GUCY1B1: variants seen among roughly 807,000 people sequenced by gnomAD.
The protein encoded by GUCY1B1 is guanylate cyclase 1 soluble subunit beta 1.
In GUCY1B1, 43 loss-of-function variants were observed where a neutral mutation model predicts 71.0. That is an observed-to-expected ratio of 0.61 (90% CI 0.47 to 0.78). The LOEUF (loss-of-function observed/expected upper bound fraction) is 0.78. Ranked by LOEUF, GUCY1B1 falls within the 30% of genes least tolerant of loss-of-function variation. GUCY1B1 has a pLI of 0.00. For missense variants in GUCY1B1, 535 were observed against 754.1 expected (o/e 0.71, Z 3.40); for synonymous variants, 266 against 259.7 (o/e 1.02, Z -0.23).
At chr4:155,772,483 C>A (rs769963599) in intron 2 of GUCY1B1, 1 of 446,104 alleles carries the variant, frequency 2.2e-6, no homozygotes, top group Non-Finnish European at 4.1e-6. Context: ...GGCAAGATCA[C>A]GCCTCACTGA....
chr4:155,774,189 G>T (rs1440531649), intron 2 of GUCY1B1, among the ~76,000 whole-genome samples: 2 of 152,236 alleles, frequency 1.3e-5, no homozygotes, highest in Non-Finnish European at 2.9e-5. Flanking sequence ...GTCCAACCAG[G>T]CCAAGCACTG....
At chr4:155,777,893 G>A (rs4691087) in intron 4 of GUCY1B1, among the ~76,000 whole-genome samples, 85,107 of 151,920 alleles carry the variant, frequency 0.56, 24,518 homozygotes, top group Middle Eastern at 0.75. Flanking sequence ...GTTCCCTGAA[G>A]AACTCCAGGT....
intron 7 of GUCY1B1, among the ~76,000 whole-genome samples, chr4:155,795,885 A>G (rs1739520406): frequency 6.6e-6 from 1 of 152,124 alleles, no homozygotes; most frequent in African/African-American, 2.4e-5. Context: ...AAATATTCAC[A>G]CAGTTGATAA....
At chr4:155,776,242 T>C (rs1738033324) in intron 3 of GUCY1B1, among the ~76,000 whole-genome samples, 1 of 152,180 alleles carries the variant, frequency 6.6e-6, no homozygotes, top group Non-Finnish European at 1.5e-5. Flanking sequence ...CCTTCAGTAA[T>C]TTTTCCTAAA....
At position 155,803,665 on chromosome 4, in the gene GUCY1B1, A is replaced by G. The variant is rs747650611; in HGVS notation, c.1455A>G (p.Leu485=). ...ACAAGTATATGACAGTGAGTGGTTTACCAGAGCCATGCATTCACCATGCAC... is the reference window on the plus strand; with the variant it reads ...ACAAGTATATGACAGTGAGTGGTTTGCCAGAGCCATGCATTCACCATGCAC... ...VGDKYMTVSG[L]PEPCIHHARS... The change falls in exon 11 of 14, where the codon TTA becomes TTG. Residue 485 remains leucine, a synonymous_variant. Coordinates refer to ENST00000264424, the MANE Select transcript of GUCY1B1 (RefSeq NM_000857.5). The G allele has an allele frequency of 3.1e-6, 5 of 1,606,264 alleles. No homozygotes were observed. The Admixed American group carries it at 8.5e-5, about 27-fold the overall frequency.
chr4:155,773,932 C>T (rs905974485), intron 2 of GUCY1B1, among the ~76,000 whole-genome samples: 10 of 152,140 alleles, frequency 6.6e-5, no homozygotes, highest in African/African-American at 2.4e-5. Context: ...CGTGATCTGT[C>T]AGTCCCCGCC....
chr4:155,790,955 A>T, intron 5 of GUCY1B1, among the ~76,000 whole-genome samples: 1 of 152,148 alleles, frequency 6.6e-6, no homozygotes, highest in Non-Finnish European at 1.5e-5. Context: ...GGAAACCACG[A>T]TTACTGTTGC....
intron 4 of GUCY1B1, among the ~76,000 whole-genome samples, chr4:155,783,470 T>C (rs1395378385): frequency 6.6e-6 from 1 of 152,236 alleles, no homozygotes; most frequent in Non-Finnish European, 1.5e-5. Context: ...AATAGTTAGA[T>C]CAGCGTTCTT....
chr4:155,759,950 G>A (rs897411862), intron 2 of GUCY1B1, 90 bp downstream of exon 2: 2 of 929,682 alleles, frequency 2.2e-6, no homozygotes, highest in African/African-American at 1.7e-5. Context: ...CCTGCTGGCC[G>A]GGTCGCGGGC....
chr4:155,765,740 T>C (rs141014003), intron 2 of GUCY1B1, among the ~76,000 whole-genome samples: 2 of 152,302 alleles, frequency 1.3e-5, no homozygotes, highest in Admixed American at 6.5e-5. Context: ...TTGTCCTACA[T>C]ACCCTTAGCA....
chr4:155,785,405 G>A (rs765234891), intron 4 of GUCY1B1: 6 of 658,794 alleles, frequency 9.1e-6, no homozygotes, highest in Non-Finnish European at 1.3e-5. Flanking sequence ...TGGCCACACA[G>A]CTCTTTACTT....
In GUCY1B1 at chr4:155,759,041, C is replaced by A; in HGVS notation, c.-100C>A. 1.5e-6 allele frequency: 2 copies of A among 1,298,144 alleles called. No individual in the cohort carries two copies. The highest frequency in any genetic ancestry group is 1.1e-6 in the Non-Finnish European group (1 of 922,504). 80.4% of individuals were successfully genotyped at this position (1,298,144 alleles called of 1,614,324 possible). ...TTCTCGCTCCAGCTCGATGCTGCCT[C>A]CCCGGCCCGGTTGCGCTGTAGCCGC... is the stretch of plus-strand genomic sequence containing the variant. On this transcript the variant is annotated 5_prime_UTR_variant, in exon 1 of 14. Coordinates refer to ENST00000264424, the MANE Select transcript of GUCY1B1 (RefSeq NM_000857.5).
At chr4:155,795,069 C>T (rs566085084) in intron 6 of GUCY1B1, among the ~76,000 whole-genome samples, 1 of 152,160 alleles carries the variant, frequency 6.6e-6, no homozygotes, top group Non-Finnish European at 1.5e-5. Flanking sequence ...TCTGAAAATG[C>T]ATTGTAAATT....
At chr4:155,761,084 C>T (rs1421923442) in intron 2 of GUCY1B1, among the ~76,000 whole-genome samples, 3 of 152,124 alleles carry the variant, frequency 2.0e-5, no homozygotes, top group African/African-American at 7.2e-5. Context: ...GTTTCAGAAA[C>T]CATTTGTATT....
At chr4:155,762,060 G>C (rs1737031212) in intron 2 of GUCY1B1, among the ~76,000 whole-genome samples, 1 of 152,176 alleles carries the variant, frequency 6.6e-6, no homozygotes, top group Non-Finnish European at 1.5e-5. Context: ...TCTGCACTGA[G>C]GGCATTAAAG....
In GUCY1B1 at chr4:155,806,498, G is replaced by A. The variant is rs990716181; in HGVS notation, c.*89G>A. On this transcript the variant is annotated 3_prime_UTR_variant, in exon 14 of 14. Transcript: ENST00000264424. Reference sequence around the variant, plus strand: ...AGCCCAGGAGCAGTTCTTCCCTATGGATACAGATTTTCTTTTGTCCTTGTC... The same window carrying A: ...AGCCCAGGAGCAGTTCTTCCCTATGAATACAGATTTTCTTTTGTCCTTGTC... 4.9e-6 allele frequency: 4 copies of A among 824,500 alleles called. No individual in the cohort carries two copies. The East Asian group carries it at 7.5e-5, about 16-fold the overall frequency. The allele number at this position is 824,500 out of a possible 1,614,324, so 51.1% of individuals were successfully genotyped here. A position where few individuals can be genotyped will look rare whatever the true frequency, so the allele number is the denominator to read the frequency against.
chr4:155,803,497 G>T, intron 10 of GUCY1B1, 127 bp from the exon 11 acceptor site: 1 of 515,338 alleles, frequency 1.9e-6, no homozygotes. Context: ...AGAATTTTAA[G>T]AGAATTAAAG....
intron 2 of GUCY1B1, among the ~76,000 whole-genome samples, chr4:155,766,218 T>C (rs909082440): frequency 6.6e-6 from 1 of 152,232 alleles, no homozygotes; most frequent in Non-Finnish European, 1.5e-5. Flanking sequence ...CCAGAATTTA[T>C]GTCAGCATGG....
In GUCY1B1 at chr4:155,803,760, T is replaced by C; in HGVS notation, c.1550T>C (p.Val517Ala). 6.4e-7 allele frequency: 1 copy of C among 1,572,858 alleles called. No individual in the cohort carries two copies. The highest frequency in any genetic ancestry group is 8.6e-7 in the Non-Finnish European group (1 of 1,160,676). Residue 517 changes from valine to alanine, a missense_variant, in exon 11 of 14, where the codon GTT becomes GCT. Transcript: ENST00000264424. ...CAGGTTCAAGTAGATGGTGAATCTG[T>C]TCAGGTTAGTAAATGAAGTAGATAT... The part of the protein sequence containing the change: ...AGQVQVDGES[V>A]QITIGIHTGE...
Sources: gnomAD v4.1 joint callset for allele counts (sites outside exome capture counted in the v4.1 genomes callset) on GRCh38, gnomAD v4.1.1 for gene constraint, MANE v1.5 for transcripts, NCBI Gene and HGNC (gene_info 2026-07-23, HGNC 2026-07-21) for gene names.